PKP3: variants seen among roughly 807,000 people sequenced by gnomAD.
PKP3 encodes plakophilin-3.
A neutral mutation model predicts 76.5 loss-of-function variants in PKP3; 66 were observed. That is an observed-to-expected ratio of 0.86 (90% CI 0.71 to 1.06). The LOEUF (loss-of-function observed/expected upper bound fraction) is 1.06, where lower values mean the gene tolerates loss of function less well. PKP3 is among the 50% of genes least tolerant of loss of function. The probability of loss-of-function intolerance (pLI) is 0.00; values close to 1 mark genes in which losing one functional copy is unlikely to be tolerated. For synonymous variants in PKP3, 638 were observed against 516.5 expected (o/e 1.24, Z -3.19); for missense variants, 1,338 against 1,141.0 (o/e 1.17, Z -2.49).
Position 400,626 on chromosome 11 carries a change from G to C in PKP3, c.1658G>C (p.Arg553Pro), listed in dbSNP as rs1422603330. The C allele has an allele frequency of 9.2e-6, 13 of 1,411,400 alleles. No homozygotes were observed. The highest frequency in any genetic ancestry group is 3.0e-5 in the East Asian group (1 of 33,790). 87.4% of individuals were successfully genotyped at this position (1,411,400 alleles called of 1,614,324 possible). A position where few individuals can be genotyped will look rare whatever the true frequency, so the allele number is the denominator to read the frequency against. The change falls in exon 8 of 13, where the codon CGC becomes CCC. Residue 553 changes from arginine to proline, a missense_variant. Physicochemically the swap from Arg to Pro is moderately radical, Grantham distance 103. Transcript: ENST00000331563. ...PPSALQRLEG[R>P]GRRDLAGAPP... The stretch of plus-strand genomic sequence containing the variant: ...TCCGCGCTGCAGCGGCTGGAGGGTC[G>C]CGGCCGCAGGGACCTGGCGGGGGCG...
rs147034470 is a variant in PKP3, at chr11:403,452, G to A, written c.1924-166G>A. 2.6e-5 allele frequency among the ~76,000 whole-genome samples: 4 copies of A among 152,250 alleles called. No individual in the cohort carries two copies. In the East Asian group the frequency reaches 7.8e-4, roughly 30 times the overall value. ...AGTCCTGCCCTGGGTTTGAAGGGAG[G>A]CACCTGATCCGGGCTGCGGCTGATT... On this transcript the variant is annotated intron_variant, in intron 9 of 12. Coordinates refer to ENST00000331563, the MANE Select transcript of PKP3 (RefSeq NM_007183.4).
At chr11:403,487 TG>T in intron 9 of PKP3, 130 bp from the exon 10 acceptor site, 2 of 942,632 alleles carry the variant, frequency 2.1e-6, no homozygotes, top group Non-Finnish European at 3.2e-6. Context: ...TCCCCCCGGC[TG>T]GGGGGCAAAG....
In PKP3 at chr11:404,458, C is replaced by T. The variant is rs1411660952; in HGVS notation, c.2359-76C>T. ...GGAAGGGTCCGGGCCACACCCAGCA[C>T]ACTGCAGGAGGGACAGCGGGCAGAG... On this transcript the variant is annotated intron_variant, in intron 12 of 12. Coordinates refer to ENST00000331563, the MANE Select transcript of PKP3 (RefSeq NM_007183.4). This position sits in a 1 kb window ranked among gnomAD's most constrained non-coding sequence, Gnocchi z 4.2. 1.3e-6 allele frequency: 2 copies of T among 1,534,778 alleles called. No individual in the cohort carries two copies. The highest frequency in any genetic ancestry group is 1.8e-6 in the Non-Finnish European group (2 of 1,109,092).
chr11:399,901 A>G lies in PKP3; in HGVS notation c.1274-66A>G, dbSNP rs976258345. 2.9e-6 allele frequency: 4 copies of G among 1,369,120 alleles called. No individual in the cohort carries two copies. The African/African-American group carries it at 4.3e-5, about 15-fold the overall frequency. 84.8% of individuals were successfully genotyped at this position (1,369,120 alleles called of 1,614,324 possible). A position where few individuals can be genotyped will look rare whatever the true frequency, so the allele number is the denominator to read the frequency against. On this transcript the variant is annotated intron_variant, in intron 5 of 12. Coordinates refer to ENST00000331563, the MANE Select transcript of PKP3 (RefSeq NM_007183.4). ...CTGGGGAGAGGCGGGACCTCTTCAC[A>G]CCATCCCCAGAAACGCGGAGGGGGT...
rs775919673 is a variant in PKP3, at chr11:403,611, C to G, written c.1924-7C>G. Reference sequence around the variant, plus strand: ...CGGGTCACGGCTCACACCCTCCCTCCCCACAGTGGGCGGGGGTGCTGAGCC... The same window carrying G: ...CGGGTCACGGCTCACACCCTCCCTCGCCACAGTGGGCGGGGGTGCTGAGCC... On this transcript the variant is annotated splice_polypyrimidine_tract_variant and splice_region_variant and intron_variant, in intron 9 of 12. Coordinates refer to ENST00000331563, the MANE Select transcript of PKP3 (RefSeq NM_007183.4). The G allele has an allele frequency of 6.2e-7, 1 of 1,602,876 alleles. No individual in the cohort carries two copies. Among genetic ancestry groups the G allele is most frequent in the Admixed American group, 1.7e-5 (1 of 59,972 alleles).
In PKP3 at chr11:396,835, C is replaced by T; in HGVS notation, c.334C>T (p.Pro112Ser). 6.3e-7 allele frequency: 1 copy of T among 1,595,300 alleles called. No homozygotes were observed. ...KTSGFRPIAKPAYSPASWSSR... is the reference protein window; with the variant it reads ...KTSGFRPIAKSAYSPASWSSR... The stretch of plus-strand genomic sequence containing the variant: ...ACAGGGCTTCCGGCCCATCGCCAAG[C>T]CGGCCTACAGCCCAGCCTCCTGGTC... Residue 112 changes from proline (P) to serine (S), a missense_variant, in exon 3 of 13, where the codon CCG (proline) becomes TCG (serine). Coordinates refer to ENST00000331563, the MANE Select transcript of PKP3 (RefSeq NM_007183.4).
rs779090029 is a variant in PKP3, at chr11:398,985, C to A, written c.1069-7C>A. On this transcript the variant is annotated splice_region_variant and splice_polypyrimidine_tract_variant and intron_variant, in intron 4 of 12. Coordinates refer to ENST00000331563, the MANE Select transcript of PKP3 (RefSeq NM_007183.4). ...GTCTGTGCACCCCCATATGCCTGTG[C>A]CCGCAGGCCCGCAGCCTTCAGGCCG... The A allele has an allele frequency of 1.3e-6, 2 of 1,554,366 alleles. No individual in the cohort carries two copies. The highest frequency in any genetic ancestry group is 1.2e-5 in the South Asian group (1 of 82,684).
rs753372461 is a variant in PKP3, at chr11:404,169, C to G, written c.2270+34C>G. The G allele has an allele frequency of 2.5e-6, 4 of 1,607,858 alleles. No homozygotes were observed. The South Asian group carries it at 4.4e-5, about 18-fold the overall frequency. ...CGACCCAGCCGTGCAGCAGCCTGGT[C>G]AGGGGTCCTCCCAGTCCACCCTGCT... On this transcript the variant is annotated intron_variant, in intron 11 of 12. Transcript: ENST00000331563. This position sits in a 1 kb window ranked among gnomAD's most constrained non-coding sequence, Gnocchi z 4.2.
intron 5 of PKP3, 114 bp from the exon 6 acceptor site, chr11:399,853 G>A: frequency 1.2e-6 from 1 of 851,590 alleles, no homozygotes; most frequent in Non-Finnish European, 1.8e-6. Flanking sequence ...TCGTGGGTGA[G>A]GCACAGAACA....
upstream of PKP3, among the ~76,000 whole-genome samples, chr11:393,083 C>A (rs114038680): frequency 4.5e-3 from 681 of 152,078 alleles, 9 homozygotes; most frequent in African/African-American, 0.015. Context: ...GCTCCCACCC[C>A]CAGCCCTCCT....
At chr11:397,801 C>T in intron 4 of PKP3, 139 bp downstream of exon 4, 1 of 802,600 alleles carries the variant, frequency 1.2e-6, no homozygotes, top group Non-Finnish European at 1.9e-6. Flanking sequence ...TCTGGAGCCC[C>T]CTCAGCAGAG....
chr11:403,014 ACCCCGACC>A (rs1847181242), intron 8 of PKP3, 56 bp from the exon 9 acceptor site: 1 of 42,762 alleles, frequency 2.3e-5, no homozygotes, highest in African/African-American at 7.6e-3. Context: ...CGACCCGCTC[ACCCCGACC>A]CGCTCACCCC....
Position 400,435 on chromosome 11 carries a change from G to A in PKP3, c.1550G>A (p.Gly517Asp). Residue 517 changes from glycine (G) to aspartate (D), a missense_variant, in exon 7 of 13, where the codon GGC (glycine) becomes GAC (aspartate). Physicochemically the swap from Gly to Asp is moderately conservative, Grantham distance 94 (BLOSUM62 -1). Transcript: ENST00000331563. ...TCTATCAACCACGCCCTGGACGCGG[G>A]CAAATGCGAGGACAAGGTGAGGGGC... is the stretch of plus-strand genomic sequence containing the variant. ...VTSINHALDA[G>D]KCEDKSVENA... 6.5e-7 allele frequency: 1 copy of A among 1,546,756 alleles called. No individual in the cohort carries two copies. Among genetic ancestry groups the A allele is most frequent in the South Asian group, 1.2e-5 (1 of 83,956 alleles).
chr11:396,888 C>A lies in PKP3; in HGVS notation c.387C>A (p.Cys129Ter). 1 of 1,598,260 alleles carries A rather than the reference C, an allele frequency of 6.3e-7. No individual in the cohort carries two copies. Among genetic ancestry groups the A allele is most frequent in the Non-Finnish European group, 8.5e-7 (1 of 1,175,438 alleles). Residue 129 changes from cysteine (C) to a stop codon, truncating the protein, a stop_gained, in exon 3 of 13, where the codon TGC becomes TGA. Coordinates refer to ENST00000331563, the MANE Select transcript of PKP3 (RefSeq NM_007183.4). LOFTEE classifies it high-confidence loss of function. ...CCCGCTCCGCCGTGGATCTGAGCTG[C>A]AGTCGGAGGCTGAGTTCAGCCCACA... The part of the protein sequence containing the change: ...WSSRSAVDLS[C>*]SRRLSSAHNG...
In PKP3 at chr11:400,681, G is replaced by C. The variant is rs1261281513; in HGVS notation, c.1713G>C (p.Thr571=). 3 of 1,293,688 alleles carry C rather than the reference G, an allele frequency of 2.3e-6. No individual in the cohort carries two copies. The highest frequency in any genetic ancestry group is 2.0e-5 in the South Asian group (1 of 49,328). The allele number at this position is 1,293,688 out of a possible 1,614,324, so 80.1% of individuals were successfully genotyped here. The change falls in exon 8 of 13, where the codon ACG becomes ACC. Residue 571 remains threonine (T), a synonymous_variant. Coordinates refer to ENST00000331563, the MANE Select transcript of PKP3 (RefSeq NM_007183.4). The stretch of plus-strand genomic sequence containing the variant: ...CGGGAGAGGTCGTGGGCTGCTTCAC[G>C]CCGCAGAGCCGGCGGCTGCGCGAGG... The part of the protein sequence containing the change: ...APPGEVVGCF[T]PQSRRLRELP...
At chr11:396,114 CG>C (rs1338854126) in intron 1 of PKP3, 1 of 154,164 alleles carries the variant, frequency 6.5e-6, no homozygotes, top group Non-Finnish European at 1.4e-5. Context: ...CAGGCTCTGC[CG>C]GGTGGGACAG....
chr11:394,458 C>G lies in PKP3; in HGVS notation c.166C>G (p.Gln56Glu), dbSNP rs1847018013. The G allele has an allele frequency of 3.5e-6, 5 of 1,445,286 alleles. No homozygotes were observed. The highest frequency in any genetic ancestry group is 4.5e-6 in the Non-Finnish European group (5 of 1,105,932). The allele number at this position is 1,445,286 out of a possible 1,614,324, so 89.5% of individuals were successfully genotyped here. ...GGAGCAGGTCCGCGCCCGCCTCTTG[C>G]AGCTGGGACAGCAGCCGCGGCACAA... ...VQEQVRARLL[Q>E]LGQQPRHNGA... Residue 56 changes from glutamine to glutamate, a missense_variant, in exon 1 of 13, where the codon CAG becomes GAG. Transcript: ENST00000331563.
Position 404,097 on chromosome 11 carries a change from A to T in PKP3, c.2232A>T (p.Gly744=). 1.2e-6 allele frequency: 2 copies of T among 1,611,526 alleles called. No individual in the cohort carries two copies. Among genetic ancestry groups the T allele is most frequent in the Non-Finnish European group, 1.7e-6 (2 of 1,179,298 alleles). The change falls in exon 11 of 13, where the codon GGA becomes GGT. Residue 744 remains glycine, a synonymous_variant. Transcript: ENST00000331563. This position sits in a 1 kb window ranked among gnomAD's most constrained non-coding sequence, Gnocchi z 4.2. ...CCCGAGACCTGCTGTATTTTGACGG[A>T]CTCCGAAAGCTCATCTTCATCAAGA... ...IAARDLLYFD[G]LRKLIFIKKK...
In PKP3 at chr11:397,115, C is replaced by T. The variant is rs763648805; in HGVS notation, c.614C>T (p.Ala205Val). 34 of 1,597,660 alleles carry T rather than the reference C, an allele frequency of 2.1e-5. 1 individual carries two copies. Among genetic ancestry groups the T allele is most frequent in the Middle Eastern group, 1.7e-4 (1 of 6,042 alleles). The change falls in exon 3 of 13, where the codon GCG becomes GTG. Residue 205 changes from alanine (A) to valine (V), a missense_variant. Transcript: ENST00000331563. ...CTGGTGTCTGAGCAGCTGGAGCCCGCGGCCACCTCCACCTACAGGGCCTTT... is the reference window on the plus strand; with the variant it reads ...CTGGTGTCTGAGCAGCTGGAGCCCGTGGCCACCTCCACCTACAGGGCCTTT... ...YSLVSEQLEP[A>V]ATSTYRAFAY...
Sources: gnomAD v4.1 joint callset for allele counts (sites outside exome capture counted in the v4.1 genomes callset) on GRCh38, gnomAD v4.1.1 for gene constraint, Gnocchi (gnomAD v3.1) non-coding constraint, MANE v1.5 for transcripts, NCBI Gene and HGNC (gene_info 2026-07-23, HGNC 2026-07-21) for gene names.